The following ACAP2 variants were observed in gnomAD, a reference collection of about 807,000 sequenced individuals.
ACAP2 encodes the protein ArfGAP with coiled-coil, ankyrin repeat and PH domains 2.
In ACAP2, 39 loss-of-function variants were observed where a neutral mutation model predicts 115.8. That is an observed-to-expected ratio of 0.34 (90% confidence interval 0.26 to 0.44). The LOEUF is 0.44. Ranked by LOEUF, ACAP2 falls within the 20% of genes least tolerant of loss-of-function variation. The probability of loss-of-function intolerance (pLI) is 1.00; values close to 1 mark genes in which losing one functional copy is unlikely to be tolerated. For missense variants in ACAP2, 662 were observed against 927.6 expected (o/e 0.71, Z 3.72); for synonymous variants, 289 against 315.8 (o/e 0.92, Z 0.90).
At chr3:195,341,607 G>A (rs112888253) in intron 6 of ACAP2, among the ~76,000 whole-genome samples, 81 of 152,260 alleles carry the variant, frequency 5.3e-4, no homozygotes, top group African/African-American at 1.9e-3. Flanking sequence ...ACAGGCGTGA[G>A]CCACTGCGCC....
chr3:195,433,529 G>A (rs1330201701), intron 1 of ACAP2, among the ~76,000 whole-genome samples: 1 of 152,154 alleles, frequency 6.6e-6, no homozygotes, highest in Non-Finnish European at 1.5e-5. Context: ...CCTTATGTTA[G>A]GGGAAAGCTT....
At chr3:195,289,651 A>C (rs868412141) in intron 20 of ACAP2, among the ~76,000 whole-genome samples, 15 of 151,716 alleles carry the variant, frequency 9.9e-5, no homozygotes, top group Admixed American at 4.6e-4. Context: ...TTAAAAAAAA[A>C]AAAACATAGC....
At chr3:195,349,138 T>C (rs902487257) in intron 4 of ACAP2, among the ~76,000 whole-genome samples, 1 of 151,686 alleles carries the variant, frequency 6.6e-6, no homozygotes, top group Admixed American at 6.6e-5. Flanking sequence ...AATACAAAAA[T>C]CAGTTGTATT....
chr3:195,385,343 T>A (rs543368047), intron 2 of ACAP2, among the ~76,000 whole-genome samples: 7 of 150,688 alleles, frequency 4.6e-5, no homozygotes, highest in Non-Finnish European at 1.0e-4. Context: ...GAGGTTTTCC[T>A]ATTGTTGTTT....
Position 195,278,935 on chromosome 3 carries a change from T to C in ACAP2, c.*393A>G, listed in dbSNP as rs12485302. The C allele has an allele frequency of 0.024, 3,761 of 156,520 alleles. 131 individuals carry two copies. Among genetic ancestry groups the C allele is most frequent in the East Asian group, 0.11 (598 of 5,308 alleles). 9.7% of individuals were successfully genotyped at this position (156,520 alleles called of 1,614,324 possible). On this transcript the variant is annotated 3_prime_UTR_variant, in exon 23 of 23. Coordinates refer to ENST00000326793, the MANE Select transcript of ACAP2 (RefSeq NM_012287.6). ...CTTGAGGCAGGCAGGACAGTTGGCT[T>C]CCACTTGATGAAGACATGCTTGACT...
chr3:195,381,131 C>G lies in ACAP2; in HGVS notation c.232-69G>C, dbSNP rs943443476. ...ACTTAAATAGGTCACAAAAATGTGA[C>G]CTCAGAATTTCTGACAGAAGATCAA... is the stretch of plus-strand genomic sequence containing the variant. On this transcript the variant is annotated intron_variant, in intron 3 of 22. Coordinates refer to ENST00000326793, the MANE Select transcript of ACAP2 (RefSeq NM_012287.6). 6 of 1,186,862 alleles carry G rather than the reference C, an allele frequency of 5.1e-6. No homozygotes were observed. The Admixed American group carries it at 7.4e-5, about 15-fold the overall frequency. The allele number at this position is 1,186,862 out of a possible 1,614,324, so 73.5% of individuals were successfully genotyped here. A position where few individuals can be genotyped will look rare whatever the true frequency, so the allele number is the denominator to read the frequency against.
chr3:195,339,206 G>A (rs1730712118), intron 6 of ACAP2, among the ~76,000 whole-genome samples: 1 of 152,066 alleles, frequency 6.6e-6, no homozygotes, highest in African/African-American at 2.4e-5. Flanking sequence ...ACTCCAGCCT[G>A]GGCGACACAG....
intron 22 of ACAP2, among the ~76,000 whole-genome samples, chr3:195,283,924 A>C (rs545720844): frequency 6.6e-6 from 1 of 152,222 alleles, no homozygotes; most frequent in East Asian, 1.9e-4. Flanking sequence ...AAATTGGTAA[A>C]ATCTTTTCTA....
chr3:195,380,861 G>A lies in ACAP2; in HGVS notation c.285+148C>T, dbSNP rs1577387357. On this transcript the variant is annotated intron_variant, in intron 4 of 22. Transcript: ENST00000326793. The stretch of plus-strand genomic sequence containing the variant: ...ACACTCACACACAAATACACACACA[G>A]CGTACATTTTAGATTCACCCAGCTA... 5.9e-6 allele frequency: 4 copies of A among 673,264 alleles called. No individual in the cohort carries two copies. In the South Asian group the frequency reaches 7.3e-5, roughly 12 times the overall value. The allele number at this position is 673,264 out of a possible 1,614,324, so 41.7% of individuals were successfully genotyped here. A position where few individuals can be genotyped will look rare whatever the true frequency, so the allele number is the denominator to read the frequency against.
intron 2 of ACAP2, 86 bp from the exon 3 acceptor site, chr3:195,382,108 G>A (rs1018219497): frequency 5.5e-6 from 7 of 1,276,720 alleles, no homozygotes; most frequent in African/African-American, 4.6e-5. Flanking sequence ...ACTATATGAG[G>A]TGACCTAGTT....
At chr3:195,280,362 C>T (rs1245703262) in intron 22 of ACAP2, among the ~76,000 whole-genome samples, 4 of 152,118 alleles carry the variant, frequency 2.6e-5, no homozygotes, top group Non-Finnish European at 4.4e-5. Flanking sequence ...ATCCCAGCTA[C>T]TCGGGAGGCT....
intron 2 of ACAP2, among the ~76,000 whole-genome samples, chr3:195,383,051 G>T (rs372688433): frequency 6.6e-6 from 1 of 152,178 alleles, no homozygotes; most frequent in East Asian, 1.9e-4. Context: ...TGTGACCATG[G>T]AATTCTTGTT....
chr3:195,412,721 T>A (rs1486877775), intron 1 of ACAP2: 1 of 288,522 alleles, frequency 3.5e-6, no homozygotes, highest in African/African-American at 2.3e-5. Flanking sequence ...GTAAAATCAG[T>A]CTTGAAGATA....
At chr3:195,343,226 T>G (rs1456533322) in intron 5 of ACAP2, among the ~76,000 whole-genome samples, 1 of 152,164 alleles carries the variant, frequency 6.6e-6, no homozygotes. Flanking sequence ...AAGTTAATTG[T>G]TTTTCTAAAG....
intron 1 of ACAP2, among the ~76,000 whole-genome samples, chr3:195,401,540 G>A (rs1435210070): frequency 3.3e-5 from 5 of 152,242 alleles, no homozygotes; most frequent in East Asian, 3.9e-4. Context: ...GGTGGTGCAC[G>A]CCTGCAATCC....
In ACAP2 at chr3:195,344,069, T is replaced by C. The variant is rs193131846; in HGVS notation, c.344+1190A>G. 4.6e-5 allele frequency among the ~76,000 whole-genome samples: 7 copies of C among 152,208 alleles called. No homozygotes were observed. In the East Asian group the frequency reaches 1.4e-3, roughly 29 times the overall value. On this transcript the variant is annotated intron_variant, in intron 5 of 22. Coordinates refer to ENST00000326793, the MANE Select transcript of ACAP2 (RefSeq NM_012287.6). ...CAAATAATAAAAAATAAAAGATAAATTAGCCAGAAGTGGTGGTCCACGCCT... is the reference window on the plus strand; with the variant it reads ...CAAATAATAAAAAATAAAAGATAAACTAGCCAGAAGTGGTGGTCCACGCCT...
chr3:195,290,108 C>G (rs1727140299), intron 20 of ACAP2, among the ~76,000 whole-genome samples: 1 of 152,108 alleles, frequency 6.6e-6, no homozygotes, highest in African/African-American at 2.4e-5. Flanking sequence ...GCAAGGTAAG[C>G]ACCTGTAATC....
chr3:195,377,131 T>C (rs76197115), intron 4 of ACAP2, among the ~76,000 whole-genome samples: 2,850 of 145,008 alleles, frequency 0.02, 99 homozygotes, highest in East Asian at 0.095. Flanking sequence ...AGAGGAGGAA[T>C]GTAAATCTTT....
chr3:195,282,382 A>C (rs1039338836), intron 22 of ACAP2: 1 of 152,238 alleles, frequency 6.6e-6, no homozygotes, highest in African/African-American at 2.4e-5. Context: ...CCACCTTCAC[A>C]TACACACAAA....
Sources: allele counts gnomAD v4.1 joint callset (sites outside exome capture counted in the v4.1 genomes callset), GRCh38; gene constraint gnomAD v4.1.1; transcripts MANE v1.5; gene names NCBI Gene and HGNC (gene_info 2026-07-23, HGNC 2026-07-21).